The following CTNND2 variants were observed in gnomAD, a reference collection of about 807,000 sequenced individuals.
The protein encoded by CTNND2 is catenin delta-2.
A neutral mutation model predicts 144.4 loss-of-function variants in CTNND2; 22 were observed. That is an observed-to-expected ratio of 0.15 (90% confidence interval 0.11 to 0.22). The LOEUF (loss-of-function observed/expected upper bound fraction) is 0.22. Ranked by LOEUF, CTNND2 falls within the 10% of genes least tolerant of loss-of-function variation. The pLI, the probability that CTNND2 is intolerant of heterozygous loss-of-function variation, is 1.00. For missense variants in CTNND2, 1,353 were observed against 1,618.8 expected, an observed-to-expected ratio of 0.84 and a Z score of 2.82; for synonymous variants, 751 against 695.6, an observed-to-expected ratio of 1.08 and a Z score of -1.25.
chr5:11,669,734 T>G (rs1783772895), intron 2 of CTNND2, among the ~76,000 whole-genome samples: 1 of 152,092 alleles, frequency 6.6e-6, no homozygotes, highest in Admixed American at 6.6e-5. Context: ...AAGGGTATTT[T>G]GTGTCTCTAT....
At chr5:11,288,598 A>AT (rs1454842922) in intron 9 of CTNND2, among the ~76,000 whole-genome samples, 1 of 152,112 alleles carries the variant, frequency 6.6e-6, no homozygotes, top group Non-Finnish European at 1.5e-5. Flanking sequence ...GGACAAACTA[A>AT]TGGGGGAAGC....
At chr5:11,627,095 AG>A (rs903229577) in intron 2 of CTNND2, among the ~76,000 whole-genome samples, 1 of 152,158 alleles carries the variant, frequency 6.6e-6, no homozygotes, top group African/African-American at 2.4e-5. Flanking sequence ...TTGGGTCATG[AG>A]GAGCAAGTCC....
intron 18 of CTNND2, 145 bp from the exon 19 acceptor site, chr5:10,992,822 A>T: frequency 9.3e-7 from 1 of 1,080,748 alleles, no homozygotes; most frequent in Non-Finnish European, 1.3e-6. Context: ...GCTCTCATGG[A>T]GGTGAACAGA....
At chr5:11,506,917 C>T (rs913380070) in intron 3 of CTNND2, among the ~76,000 whole-genome samples, 3 of 152,210 alleles carry the variant, frequency 2.0e-5, no homozygotes, top group African/African-American at 4.8e-5. Context: ...TTTAGCGATG[C>T]GACTGGTAAT....
At chr5:11,187,750 C>T (rs962480188) in intron 11 of CTNND2, among the ~76,000 whole-genome samples, 3 of 151,946 alleles carry the variant, frequency 2.0e-5, no homozygotes, top group African/African-American at 7.3e-5. Context: ...TACTTAAACA[C>T]ATTTATAAGA....
At chr5:11,599,454 T>C (rs1308472114) in intron 2 of CTNND2, among the ~76,000 whole-genome samples, 1 of 152,208 alleles carries the variant, frequency 6.6e-6, no homozygotes, top group Non-Finnish European at 1.5e-5. Context: ...ACATATTTAA[T>C]GACCATTTTT....
At chr5:11,410,231 C>T (rs1178587825) in intron 5 of CTNND2, among the ~76,000 whole-genome samples, 1 of 152,178 alleles carries the variant, frequency 6.6e-6, no homozygotes, top group Admixed American at 6.5e-5. Flanking sequence ...ATACAGAGAA[C>T]AAGGATAATA....
In CTNND2 at chr5:11,240,374, ACACACATACACT is replaced by A. The variant is rs796819884; in HGVS notation, c.1629-3563_1629-3552del. Among the ~76,000 whole-genome samples the A allele has an allele frequency of 7.3e-4, 20 of 27,470 alleles. 1 individual carries two copies. The highest frequency in any genetic ancestry group is 4.2e-3 in the East Asian group (2 of 478). The allele number at this position is 27,470 out of a possible 152,430, so 18.0% of individuals were successfully genotyped here. ...ACACACACATTCACACACACCCAACACACACATACACTCACACACCCAACACACACACCCACA... is the reference window on the plus strand; with the variant it reads ...ACACACACATTCACACACACCCAACACACACACCCAACACACACACCCACA... On this transcript the variant is annotated intron_variant, in intron 9 of 21. Coordinates refer to ENST00000304623, the MANE Select transcript of CTNND2 (RefSeq NM_001332.4).
chr5:11,584,312 A>G (rs1299377213), intron 2 of CTNND2, among the ~76,000 whole-genome samples: 1 of 152,064 alleles, frequency 6.6e-6, no homozygotes, highest in East Asian at 1.9e-4. Context: ...TGGAGGCGGA[A>G]AGGATGCAGA....
At chr5:11,494,012 T>C (rs1769702867) in intron 3 of CTNND2, among the ~76,000 whole-genome samples, 1 of 152,166 alleles carries the variant, frequency 6.6e-6, no homozygotes, top group Non-Finnish European at 1.5e-5. Context: ...TTACAGTGAT[T>C]AAAAAATCTT....
chr5:11,041,863 T>C (rs1262964120), intron 16 of CTNND2, among the ~76,000 whole-genome samples: 1 of 152,182 alleles, frequency 6.6e-6, no homozygotes, highest in Non-Finnish European at 1.5e-5. Context: ...CACTGCAACA[T>C]AAATGCAGGA....
In CTNND2 at chr5:11,018,194, T is replaced by C. The variant is rs1182651268; in HGVS notation, c.3000-136A>G. Reference sequence around the variant, plus strand: ...GATCTATGATCAGTGCTCCCTGATATTACTACTGTAATTGTTTTGGAGCAC... The same window carrying C: ...GATCTATGATCAGTGCTCCCTGATACTACTACTGTAATTGTTTTGGAGCAC... On this transcript the variant is annotated intron_variant, in intron 17 of 21. Coordinates refer to ENST00000304623, the MANE Select transcript of CTNND2 (RefSeq NM_001332.4). 5 of 623,838 alleles carry C rather than the reference T, an allele frequency of 8.0e-6. No individual in the cohort carries two copies. In the East Asian group the frequency reaches 1.2e-4, roughly 15 times the overall value. 38.6% of individuals were successfully genotyped at this position (623,838 alleles called of 1,614,324 possible). A position where few individuals can be genotyped will look rare whatever the true frequency, so the allele number is the denominator to read the frequency against.
intron 9 of CTNND2, among the ~76,000 whole-genome samples, chr5:11,312,684 A>ACACTCCCCATATACCCTCATCCTCAC (rs1751109904): frequency 6.9e-6 from 1 of 145,416 alleles, no homozygotes; most frequent in Admixed American, 6.9e-5. Context: ...ACACTCACAC[A>ACACTCCCCATATACCCTCATCCTCAC]CACTCCCCAT....
At chr5:11,436,012 T>C (rs911364666) in intron 3 of CTNND2, among the ~76,000 whole-genome samples, 5 of 152,100 alleles carry the variant, frequency 3.3e-5, no homozygotes, top group Non-Finnish European at 7.4e-5. Context: ...ATAACTGGAA[T>C]AGGAGAAAGA....
intron 3 of CTNND2, among the ~76,000 whole-genome samples, chr5:11,427,775 C>T (rs1202521356): frequency 6.6e-6 from 1 of 152,188 alleles, no homozygotes; most frequent in Non-Finnish European, 1.5e-5. Context: ...CTGCCCCTCT[C>T]TCCCTCTTCA....
At chr5:11,094,152 T>A (rs529351511) in intron 15 of CTNND2, among the ~76,000 whole-genome samples, 1 of 152,238 alleles carries the variant, frequency 6.6e-6, no homozygotes, top group Non-Finnish European at 1.5e-5. Context: ...TCCCATTATC[T>A]AGAATTATTA....
chr5:11,426,953 G>A (rs532919455), intron 3 of CTNND2, among the ~76,000 whole-genome samples: 13 of 152,258 alleles, frequency 8.5e-5, no homozygotes, highest in East Asian at 7.7e-4. Flanking sequence ...CAGTGGAGGC[G>A]GTTTTGCACA....
At chr5:11,266,901 C>T (rs1203327260) in intron 9 of CTNND2, among the ~76,000 whole-genome samples, 1 of 152,148 alleles carries the variant, frequency 6.6e-6, no homozygotes, top group Admixed American at 6.6e-5. Flanking sequence ...TTTTTTGAGA[C>T]GGAGTCCAAC....
intron 12 of CTNND2, among the ~76,000 whole-genome samples, chr5:11,142,770 T>C (rs567800620): frequency 2.9e-4 from 44 of 152,046 alleles, no homozygotes; most frequent in African/African-American, 9.6e-4. Flanking sequence ...CGCGCCACCA[T>C]GCCCGGCTAA....
Sources: allele counts gnomAD v4.1 joint callset (sites outside exome capture counted in the v4.1 genomes callset), GRCh38; gene constraint gnomAD v4.1.1; transcripts MANE v1.5; gene names NCBI Gene and HGNC (gene_info 2026-07-23, HGNC 2026-07-21).